Variants in MMP16 observed in about 807,000 individuals in gnomAD.
MMP16 encodes matrix metallopeptidase 16, also known as matrix metalloproteinase-16.
MMP16 carries 12 observed loss-of-function variants against 67.8 expected under a neutral mutation model. The observed-to-expected ratio is 0.18, with a 90% CI of 0.11 to 0.29. The LOEUF is 0.29. MMP16 is among the 10% of genes least tolerant of loss of function. MMP16 has a pLI of 1.00. For missense variants in MMP16, 475 were observed against 765.7 expected (o/e 0.62, Z 4.48); for synonymous variants, 249 against 255.9 (o/e 0.97, Z 0.26).
At chr8:88,117,816 A>G (rs1327610782) in intron 5 of MMP16, among the ~76,000 whole-genome samples, 2 of 152,096 alleles carry the variant, frequency 1.3e-5, no homozygotes, top group African/African-American at 4.8e-5. Flanking sequence ...AATGCAAAAG[A>G]CATCTATCTT....
chr8:88,268,556 A>G (rs756219021), intron 1 of MMP16, among the ~76,000 whole-genome samples: 3 of 152,190 alleles, frequency 2.0e-5, no homozygotes, highest in African/African-American at 4.8e-5. Context: ...CTAATATACA[A>G]AAGAGATAAA....
chr8:88,287,847 C>T (rs777507745), intron 1 of MMP16, among the ~76,000 whole-genome samples: 3 of 152,120 alleles, frequency 2.0e-5, no homozygotes, highest in Admixed American at 6.5e-5. Flanking sequence ...AGACAGATAC[C>T]AGCATTAGCC....
At chr8:88,165,373 CT>C (rs1410102299) in intron 4 of MMP16, among the ~76,000 whole-genome samples, 3 of 151,752 alleles carry the variant, frequency 2.0e-5, no homozygotes, top group Non-Finnish European at 2.9e-5. Context: ...ATTAACACAT[CT>C]TCAAAACTAC....
At chr8:88,248,298 A>G (rs1188612425) in intron 1 of MMP16, among the ~76,000 whole-genome samples, 1 of 152,098 alleles carries the variant, frequency 6.6e-6, no homozygotes, top group Non-Finnish European at 1.5e-5. Flanking sequence ...CATGCACAAG[A>G]AGACTGTACA....
chr8:88,096,713 G>A (rs1021925107), intron 6 of MMP16, among the ~76,000 whole-genome samples: 1 of 151,810 alleles, frequency 6.6e-6, no homozygotes, highest in East Asian at 2.0e-4. Context: ...GGGACTGAAG[G>A]AATTTGTTAA....
Position 88,253,648 on chromosome 8 carries a change from G to A in MMP16, c.133-56342C>T, listed in dbSNP as rs957544837. Among the ~76,000 whole-genome samples, 11 of 151,244 alleles carry A rather than the reference G, an allele frequency of 7.3e-5. No homozygotes were observed. In the East Asian group the frequency reaches 9.8e-4, roughly 13 times the overall value. ...TTTACATTATGTTGCTTTGTACCTC[G>A]TAAAAACACACAACTATAATGTCAA... On this transcript the variant is annotated intron_variant, in intron 1 of 9. Transcript: ENST00000286614.
intron 1 of MMP16, among the ~76,000 whole-genome samples, chr8:88,226,350 G>A (rs947376197): frequency 6.6e-6 from 1 of 151,934 alleles, no homozygotes; most frequent in South Asian, 2.1e-4. Context: ...TATATTCCAG[G>A]CTACATTCTA....
chr8:88,197,053 G>T, intron 2 of MMP16, 105 bp downstream of exon 2: 1 of 1,077,448 alleles, frequency 9.3e-7, no homozygotes. Flanking sequence ...AAGTTCATGA[G>T]ACAAATTACT....
chr8:88,282,818 T>G (rs1222673582), intron 1 of MMP16, among the ~76,000 whole-genome samples: 1 of 152,186 alleles, frequency 6.6e-6, no homozygotes, highest in Non-Finnish European at 1.5e-5. Flanking sequence ...TTATAATCTA[T>G]TAACATAGGG....
At chr8:88,277,927 G>T (rs1810673875) in intron 1 of MMP16, among the ~76,000 whole-genome samples, 1 of 152,072 alleles carries the variant, frequency 6.6e-6, no homozygotes, top group African/African-American at 2.4e-5. Context: ...ATATTTGAAG[G>T]GTATTTATAA....
intron 6 of MMP16, among the ~76,000 whole-genome samples, chr8:88,094,241 C>T (rs1479350091): frequency 1.3e-5 from 2 of 151,648 alleles, no homozygotes; most frequent in Non-Finnish European, 2.9e-5. Context: ...CAACAGAATC[C>T]TTAACAAGTA....
intron 1 of MMP16, among the ~76,000 whole-genome samples, chr8:88,304,821 C>T (rs1318609273): frequency 1.3e-5 from 2 of 152,154 alleles, no homozygotes; most frequent in Non-Finnish European, 2.9e-5. Flanking sequence ...AAGGAAAAGC[C>T]ATCACCAGCC....
intron 6 of MMP16, among the ~76,000 whole-genome samples, chr8:88,075,268 G>C (rs28991882): frequency 0.063 from 9,567 of 152,086 alleles, 529 homozygotes; most frequent in Admixed American, 0.13. Flanking sequence ...CTTTATGCAA[G>C]AAAAATAGGC....
intron 1 of MMP16, among the ~76,000 whole-genome samples, chr8:88,272,201 C>T (rs762179937): frequency 1.3e-5 from 2 of 152,046 alleles, no homozygotes; most frequent in Non-Finnish European, 2.9e-5. Context: ...TTTTATCATC[C>T]TCGTGGCTAT....
At chr8:88,230,660 C>T (rs1316162793) in intron 1 of MMP16, among the ~76,000 whole-genome samples, 2 of 151,492 alleles carry the variant, frequency 1.3e-5, no homozygotes, top group South Asian at 2.1e-4. Flanking sequence ...AGAAAGTCAA[C>T]CATACATAAG....
At chr8:88,153,441 C>G (rs924788289) in intron 4 of MMP16, among the ~76,000 whole-genome samples, 2 of 152,218 alleles carry the variant, frequency 1.3e-5, no homozygotes, top group Admixed American at 6.5e-5. Flanking sequence ...AAGCTGGAGG[C>G]ATCACACTAC....
intron 6 of MMP16, among the ~76,000 whole-genome samples, chr8:88,104,505 G>A (rs1809202238): frequency 6.6e-6 from 1 of 151,554 alleles, no homozygotes; most frequent in African/African-American, 2.4e-5. Context: ...TAACGTCATA[G>A]TGCAATGCAT....
chr8:88,207,144 AT>A, intron 1 of MMP16, among the ~76,000 whole-genome samples: 1 of 152,354 alleles, frequency 6.6e-6, no homozygotes, highest in South Asian at 2.1e-4. Context: ...CTACCAAAAA[AT>A]ATACACAAAT....
intron 1 of MMP16, among the ~76,000 whole-genome samples, chr8:88,223,557 C>G (rs12682181): frequency 0.51 from 76,971 of 151,368 alleles, 21,245 homozygotes; most frequent in Non-Finnish European, 0.63. Context: ...ATGGATGAAG[C>G]TGGAAACCAT....
Sources: allele counts gnomAD v4.1 joint callset (sites outside exome capture counted in the v4.1 genomes callset), GRCh38; gene constraint gnomAD v4.1.1; transcripts MANE v1.5; gene names NCBI Gene and HGNC (gene_info 2026-07-23, HGNC 2026-07-21).